KDM5D: variants seen among roughly 807,000 people sequenced by gnomAD.
KDM5D encodes lysine demethylase 5D.
In KDM5D, 25 loss-of-function variants were observed where a neutral mutation model predicts 31.9. That is an observed-to-expected ratio of 0.78 (90% CI 0.57 to 1.09). KDM5D has a LOEUF of 1.09. Among genes scored for constraint, KDM5D ranks in the 50% least tolerant of loss-of-function variants. The pLI, the probability that KDM5D is intolerant of heterozygous loss-of-function variation, is 0.00. For missense variants in KDM5D, 366 were observed against 341.6 expected (o/e 1.07, Z -0.56); for synonymous variants, 146 against 122.3 (o/e 1.19, Z -1.28).
chrY:19,743,570 G>A, intron 2 of KDM5D, among the ~76,000 whole-genome samples: 2 of 31,968 alleles, frequency 6.3e-5, no homozygotes. Context: ...TGGGTTATGA[G>A]TCCTTACTAA....
At chrY:19,726,100 G>T in intron 11 of KDM5D, among the ~76,000 whole-genome samples, 1 of 33,365 alleles carries the variant, frequency 3.0e-5, no homozygotes, top group Non-Finnish European at 7.4e-5. Context: ...ATATTGGTGG[G>T]AGTATAAATT....
At chrY:19,707,075 G>A in intron 24 of KDM5D, 72 bp downstream of exon 24, 1 of 359,790 alleles carries the variant, frequency 2.8e-6, no homozygotes, top group Non-Finnish European at 3.9e-6. Context: ...ACAGGGACAA[G>A]ACTGGAGCTA....
chrY:19,735,937 T>C, intron 6 of KDM5D, among the ~76,000 whole-genome samples, 187 bp from the exon 7 acceptor site: 1 of 33,711 alleles, frequency 3.0e-5, no homozygotes, highest in Non-Finnish European at 7.3e-5. Context: ...ATGGATAAAT[T>C]TGGAAAGTAA....
At chrY:19,732,815 A>T in intron 8 of KDM5D, 73 bp from the exon 9 acceptor site, 1 of 197,262 alleles carries the variant, frequency 5.1e-6, no homozygotes, top group Non-Finnish European at 8.6e-6. Flanking sequence ...TTTCTAGACC[A>T]TTCATGAACA....
At chrY:19,712,131 AT>A (rs2045302151) in intron 18 of KDM5D, among the ~76,000 whole-genome samples, 1 of 33,591 alleles carries the variant, frequency 3.0e-5, no homozygotes, top group African/African-American at 1.2e-4. Flanking sequence ...TGACAAAAAA[AT>A]CCCTTCTTTA....
intron 11 of KDM5D, among the ~76,000 whole-genome samples, chrY:19,724,781 C>A (rs2045418354): frequency 3.0e-5 from 1 of 33,227 alleles, no homozygotes; most frequent in Non-Finnish European, 7.4e-5. Context: ...CAAATTGTCT[C>A]TGTTTGCAGA....
chrY:19,707,633 C>T lies in KDM5D; in HGVS notation c.3513G>A (p.Pro1171=), dbSNP rs371646183. 258 of 395,142 alleles carry T rather than the reference C, an allele frequency of 6.5e-4. No homozygotes were observed. The African/African-American group carries it at 0.013, about 20-fold the overall frequency. The change falls in exon 24 of 27, where the codon CCG becomes CCA. Residue 1171 remains proline, a synonymous_variant. Coordinates refer to ENST00000317961, the MANE Select transcript of KDM5D (RefSeq NM_004653.5). Reference sequence around the variant, plus strand: ...CCTGCCCACACACACAGATAGAAGTCGGAGAAGAGGCCATGAGGGATGGTG... The same window carrying T: ...CCTGCCCACACACACAGATAGAAGTTGGAGAAGAGGCCATGAGGGATGGTG... The part of the protein sequence containing the change: ...PLAPSLMASS[P]TSICVCGQVP...
intron 2 of KDM5D, 35 bp from the exon 3 acceptor site, chrY:19,743,274 A>G: frequency 3.8e-6 from 1 of 261,810 alleles, no homozygotes; most frequent in South Asian, 3.6e-5. Context: ...TAACTATGGC[A>G]CAGTAAAGGA....
chrY:19,725,413 C>T (rs369150882), intron 11 of KDM5D, among the ~76,000 whole-genome samples: 243 of 33,304 alleles, frequency 7.3e-3, no homozygotes, highest in African/African-American at 0.025. Context: ...CACCACCCAT[C>T]AACAACCATC....
intron 11 of KDM5D, among the ~76,000 whole-genome samples, chrY:19,728,609 C>T (rs2045450332): frequency 3.1e-5 from 1 of 32,628 alleles, no homozygotes; most frequent in Non-Finnish European, 7.5e-5. Context: ...CCACCTGCCT[C>T]GGCCTCCCAA....
Position 19,724,673 on chromosome Y carries a change from CT to C in KDM5D, c.1372-3363del. Among the ~76,000 whole-genome samples the C allele has an allele frequency of 1.2e-4, 4 of 33,656 alleles. No homozygotes were observed. The South Asian group carries it at 2.6e-3, about 22-fold the overall frequency. The allele number at this position is 33,656 out of a possible 37,273, so 90.3% of individuals were successfully genotyped here. On this transcript the variant is annotated intron_variant, in intron 11 of 26. Transcript: ENST00000317961. Reference sequence around the variant, plus strand: ...AACTGGCATAAGACAAGGATGCCCTCTCTCACTACTCTTATTCAACACAGTA... The same window carrying C: ...AACTGGCATAAGACAAGGATGCCCTCCTCACTACTCTTATTCAACACAGTA...
intron 18 of KDM5D, chrY:19,715,139 T>C: frequency 2.4e-5 from 3 of 123,326 alleles, no homozygotes; most frequent in Non-Finnish European, 4.7e-5. Context: ...TCTGTGCTTC[T>C]TTTTTTTTGC....
chrY:19,744,659 G>A lies in KDM5D; in HGVS notation c.-20+12C>T. 6.2e-6 allele frequency: 1 copy of A among 162,155 alleles called. No individual in the cohort carries two copies. Among genetic ancestry groups the A allele is most frequent in the Non-Finnish European group, 1.1e-5 (1 of 91,603 alleles). The allele number at this position is 162,155 out of a possible 400,897, so 40.4% of individuals were successfully genotyped here. A position where few individuals can be genotyped will look rare whatever the true frequency, so the allele number is the denominator to read the frequency against. ...AGAATTTCAAGGTTACTTTAATCCC[G>A]TAGCTGCTTACCAATCGTCAGGGAT... is the stretch of plus-strand genomic sequence containing the variant. On this transcript the variant is annotated intron_variant, in intron 1 of 26. Transcript: ENST00000317961.
intron 3 of KDM5D, among the ~76,000 whole-genome samples, chrY:19,742,576 G>C (rs2124223760): frequency 8.7e-5 from 3 of 34,498 alleles, no homozygotes; most frequent in Non-Finnish European, 2.2e-4. Flanking sequence ...GGTAACCCCA[G>C]CACTTTAGGA....
intron 6 of KDM5D, among the ~76,000 whole-genome samples, chrY:19,736,730 G>C: frequency 9.2e-5 from 3 of 32,741 alleles, no homozygotes; most frequent in African/African-American, 3.6e-4. Flanking sequence ...AGCTCTTTCA[G>C]AGCTGGCTAA....
At chrY:19,708,157 A>G in intron 22 of KDM5D, 86 bp from the exon 23 acceptor site, 1 of 371,226 alleles carries the variant, frequency 2.7e-6, no homozygotes, top group Non-Finnish European at 3.8e-6. Flanking sequence ...TGCCCACTAA[A>G]AAAATCTATG....
At chrY:19,741,932 G>C in intron 3 of KDM5D, 75 bp from the exon 4 acceptor site, 1 of 243,993 alleles carries the variant, frequency 4.1e-6, no homozygotes, top group Non-Finnish European at 6.2e-6. Context: ...AAATGAACAA[G>C]TATTATTCTA....
At chrY:19,742,525 C>T (rs780810344) in intron 3 of KDM5D, among the ~76,000 whole-genome samples, 1 of 34,313 alleles carries the variant, frequency 2.9e-5, no homozygotes, top group Admixed American at 2.6e-4. Flanking sequence ...TGTTAAAGAA[C>T]TAAAAAAAAT....
chrY:19,715,780 C>T, intron 16 of KDM5D, 41 bp from the exon 17 acceptor site: 4 of 398,578 alleles, frequency 1.0e-5, no homozygotes, highest in Non-Finnish European at 1.4e-5. Flanking sequence ...TCTGGCCCAG[C>T]TCTAAAACCT....
Sources: allele counts gnomAD v4.1 joint callset (sites outside exome capture counted in the v4.1 genomes callset), GRCh38; gene constraint gnomAD v4.1.1; transcripts MANE v1.5; gene names NCBI Gene and HGNC (gene_info 2026-07-23, HGNC 2026-07-21).